ROBO2: variants seen among roughly 807,000 people sequenced by gnomAD.
ROBO2 encodes roundabout guidance receptor 2, also known as roundabout homolog 2.
Under a neutral mutation model 160.8 loss-of-function variants are expected in ROBO2, and 53 were observed. The ratio of observed to expected loss-of-function variants is 0.33; its 90% CI spans 0.26 to 0.41. The LOEUF is 0.41. Ranked by LOEUF, ROBO2 falls within the 10% of genes least tolerant of loss-of-function variation. The pLI is 1.00. For missense variants in ROBO2, 1,577 were observed against 1,722.4 expected (o/e 0.92, Z 1.49); for synonymous variants, 664 against 611.7 (o/e 1.09, Z -1.26).
intron 2 of ROBO2, among the ~76,000 whole-genome samples, chr3:76,083,471 T>C (rs886861934): frequency 6.6e-6 from 1 of 152,140 alleles, no homozygotes; most frequent in Non-Finnish European, 1.5e-5. Flanking sequence ...TTTTTGTTTT[T>C]GTTTTGTTTT....
At chr3:77,323,882 T>C (rs2065078254) in intron 2 of ROBO2, among the ~76,000 whole-genome samples, 1 of 152,220 alleles carries the variant, frequency 6.6e-6, no homozygotes, top group Non-Finnish European at 1.5e-5. Flanking sequence ...AAAATATTTT[T>C]GTTCAACCAA....
intron 1 of ROBO2, among the ~76,000 whole-genome samples, chr3:75,933,860 G>A (rs931779926): frequency 4.6e-5 from 7 of 152,166 alleles, no homozygotes; most frequent in Non-Finnish European, 5.9e-5. Flanking sequence ...CTCTTATAAC[G>A]TGTTCTAAAG....
At chr3:75,930,076 A>G (rs1352154926) in intron 1 of ROBO2, among the ~76,000 whole-genome samples, 4 of 152,206 alleles carry the variant, frequency 2.6e-5, no homozygotes, top group Non-Finnish European at 5.9e-5. Context: ...GTGGCTCAGC[A>G]TTCACATGAA....
At chr3:76,710,048 A>AGACGTGGAGAGAGAGG (rs1252539070) in intron 2 of ROBO2, among the ~76,000 whole-genome samples, 1 of 152,106 alleles carries the variant, frequency 6.6e-6, no homozygotes, top group Non-Finnish European at 1.5e-5. Context: ...GGAGAGAAAG[A>AGACGTGGAGAGAGAGG]GACATGGAGA....
intron 2 of ROBO2, among the ~76,000 whole-genome samples, chr3:76,079,194 A>G (rs1310464271): frequency 6.6e-6 from 1 of 152,188 alleles, no homozygotes. Flanking sequence ...ATGAGTACAA[A>G]TATGGTTAGA....
intron 2 of ROBO2, among the ~76,000 whole-genome samples, chr3:76,447,875 C>G (rs2077274167): frequency 8.1e-6 from 1 of 123,112 alleles, no homozygotes; most frequent in Non-Finnish European, 1.6e-5. Flanking sequence ...GGGGACATCA[C>G]ACAGCGGGGC....
At chr3:77,623,057 G>GTAC (rs1160581490) in intron 23 of ROBO2, among the ~76,000 whole-genome samples, 4 of 152,166 alleles carry the variant, frequency 2.6e-5, no homozygotes, top group African/African-American at 7.2e-5. Flanking sequence ...AGTTGCATTG[G>GTAC]TACTCTTCTA....
intron 5 of ROBO2, among the ~76,000 whole-genome samples, chr3:77,508,165 A>G (rs1211484270): frequency 1.3e-5 from 2 of 151,620 alleles, no homozygotes; most frequent in East Asian, 3.9e-4. Context: ...AGGGAGCTTC[A>G]ATAATTGTTC....
chr3:76,237,366 T>G (rs1337764782), intron 2 of ROBO2, among the ~76,000 whole-genome samples: 1 of 152,194 alleles, frequency 6.6e-6, no homozygotes, highest in Non-Finnish European at 1.5e-5. Context: ...AACATTATGT[T>G]TAAAATCATT....
At chr3:76,349,058 T>C (rs2074712189) in intron 2 of ROBO2, among the ~76,000 whole-genome samples, 1 of 152,142 alleles carries the variant, frequency 6.6e-6, no homozygotes, top group African/African-American at 2.4e-5. Context: ...CTGGTAATCT[T>C]ACTGTTTAAG....
At chr3:76,409,915 C>T (rs185328922) in intron 2 of ROBO2, among the ~76,000 whole-genome samples, 155 of 152,224 alleles carry the variant, frequency 1.0e-3, no homozygotes, top group Non-Finnish European at 1.7e-3. Flanking sequence ...AGCAAAAGTG[C>T]TGCTCCCCCA....
intron 2 of ROBO2, among the ~76,000 whole-genome samples, chr3:76,595,697 A>G (rs1447055273): frequency 6.6e-6 from 1 of 152,108 alleles, no homozygotes; most frequent in Admixed American, 6.6e-5. Context: ...GTTCCCTGAA[A>G]AAAGTTTTTC....
At position 77,391,377 on chromosome 3, in the gene ROBO2, G is replaced by T. The variant is rs2074714261; in HGVS notation, c.389-86037G>T. The stretch of plus-strand genomic sequence containing the variant: ...GCTGGAGTACAGTGACACAATCACG[G>T]CTCACTGCAGCCTCAACCTCCCCAC... On this transcript the variant is annotated intron_variant, in intron 2 of 25. Transcript: ENST00000461745. Among the ~76,000 whole-genome samples the T allele has an allele frequency of 3.3e-5, 5 of 151,590 alleles. No homozygotes were observed. In the South Asian group the frequency reaches 1.0e-3, roughly 32 times the overall value.
chr3:75,920,910 G>A (rs1947015444), intron 1 of ROBO2, among the ~76,000 whole-genome samples: 1 of 148,214 alleles, frequency 6.7e-6, no homozygotes, highest in South Asian at 2.1e-4. Context: ...CCTTTATTTT[G>A]AGCCTATGTG....
chr3:76,584,927 C>T (rs1190636232), intron 2 of ROBO2, among the ~76,000 whole-genome samples: 1 of 152,154 alleles, frequency 6.6e-6, no homozygotes, highest in Non-Finnish European at 1.5e-5. Context: ...AAACATACCT[C>T]ACATTGAATC....
At chr3:76,515,331 T>C (rs1045267767) in intron 2 of ROBO2, among the ~76,000 whole-genome samples, 1 of 152,210 alleles carries the variant, frequency 6.6e-6, no homozygotes, top group African/African-American at 2.4e-5. Flanking sequence ...GTTATTTGTT[T>C]CTATATTTTG....
At chr3:76,199,689 CA>C (rs1238396860) in intron 2 of ROBO2, among the ~76,000 whole-genome samples, 2 of 152,118 alleles carry the variant, frequency 1.3e-5, no homozygotes, top group African/African-American at 4.8e-5. Context: ...AAATGATCAA[CA>C]CTCTGTCAAT....
intron 2 of ROBO2, among the ~76,000 whole-genome samples, chr3:76,995,721 A>C (rs1047589607): frequency 9.2e-5 from 14 of 152,110 alleles, no homozygotes; most frequent in African/African-American, 1.4e-4. Flanking sequence ...GCATTTTTTC[A>C]TGTGTCTTTT....
At chr3:77,267,852 C>T (rs1031021608) in intron 2 of ROBO2, among the ~76,000 whole-genome samples, 2 of 152,130 alleles carry the variant, frequency 1.3e-5, no homozygotes, top group East Asian at 3.9e-4. Flanking sequence ...ATTCAATCAC[C>T]ACATATTGAA....
Sources: gnomAD v4.1 joint callset for allele counts (sites outside exome capture counted in the v4.1 genomes callset) on GRCh38, gnomAD v4.1.1 for gene constraint, MANE v1.5 for transcripts, NCBI Gene and HGNC (gene_info 2026-07-23, HGNC 2026-07-21) for gene names.